The following BDKRB2 variants were observed in gnomAD, a reference collection of about 807,000 sequenced individuals.
The protein encoded by BDKRB2 is B2 bradykinin receptor.
BDKRB2 carries 6 observed loss-of-function variants against 4.0 expected under a neutral mutation model. That is an observed-to-expected ratio of 1.49 (90% CI 0.81 to 2.93). The LOEUF (loss-of-function observed/expected upper bound fraction) is 2.93, where lower values mean the gene tolerates loss of function less well. Ranked by LOEUF, BDKRB2 falls within the 30% of genes most tolerant of loss-of-function variation. The pLI is 0.00. For synonymous variants in BDKRB2, 225 were observed against 215.3 expected (o/e 1.05, Z -0.40); for missense variants, 478 against 520.1 (o/e 0.92, Z 0.79).
chr14:96,211,752 C>T (rs1890308728), intron 1 of BDKRB2, among the ~76,000 whole-genome samples: 1 of 152,160 alleles, frequency 6.6e-6, no homozygotes, highest in Non-Finnish European at 1.5e-5. Context: ...TGACCTAGGG[C>T]AAGAGATGTG....
rs1477286619 is a variant in BDKRB2 at position 96,241,253 on chromosome 14, A to G, written c.925A>G (p.Ile309Val). 2 of 1,613,476 alleles carry G rather than the reference A, an allele frequency of 1.2e-6. No individual in the cohort carries two copies. The highest frequency in any genetic ancestry group is 2.2e-5 in the South Asian group (2 of 91,034). The stretch of plus-strand genomic sequence containing the variant: ...CCTCTCCAGCTGCCAGGACGAGCGC[A>G]TCATCGATGTAATCACACAGATCGC... Reference protein sequence around the residue: ...GILSSCQDERIIDVITQIASF... With the variant: ...GILSSCQDERVIDVITQIASF... Residue 309 changes from isoleucine to valine, a missense_variant, in exon 3 of 3, where the codon ATC becomes GTC. Physicochemically the swap from Ile to Val is conservative, Grantham distance 29. Coordinates refer to ENST00000554311, the MANE Select transcript of BDKRB2 (RefSeq NM_001379692.1).
At chr14:96,231,712 C>A (rs751903593) in intron 1 of BDKRB2, among the ~76,000 whole-genome samples, 1 of 152,136 alleles carries the variant, frequency 6.6e-6, no homozygotes, top group Admixed American at 6.5e-5. Context: ...ATTTACAGAG[C>A]GAATATTGTT....
chr14:96,207,620 A>G (rs976375963), intron 1 of BDKRB2, among the ~76,000 whole-genome samples: 1 of 152,114 alleles, frequency 6.6e-6, no homozygotes, highest in Non-Finnish European at 1.5e-5. Context: ...GGTGATGATG[A>G]TGTGTCAACG....
At chr14:96,227,123 T>C (rs1210679087) in intron 1 of BDKRB2, among the ~76,000 whole-genome samples, 1 of 152,166 alleles carries the variant, frequency 6.6e-6, no homozygotes, top group African/African-American at 2.4e-5. Flanking sequence ...TTTTCCCTTC[T>C]GCAAAAGACA....
chr14:96,223,702 G>T (rs985905903), intron 1 of BDKRB2, among the ~76,000 whole-genome samples: 1 of 151,952 alleles, frequency 6.6e-6, no homozygotes, highest in Non-Finnish European at 1.5e-5. Flanking sequence ...TTCCTGCCTG[G>T]TGTTGTATGT....
rs539582252 is a variant in BDKRB2, at chr14:96,212,493, G to A, written c.-40+7534G>A. Among the ~76,000 whole-genome samples the A allele has an allele frequency of 2.6e-5, 4 of 152,310 alleles. No homozygotes were observed. The East Asian group carries it at 7.7e-4, about 29-fold the overall frequency. On this transcript the variant is annotated intron_variant, in intron 1 of 2. Transcript: ENST00000554311. ...ATTACAAAAACAAAATGACAAGTTA[G>A]AAAGGTAAAAAGCATTAATGTCAGT...
chr14:96,211,540 A>C lies in BDKRB2; in HGVS notation c.-40+6581A>C, dbSNP rs74086541. ...GTGGGCCAGGGCCTGCAGATGAGGGATCTGTGCTGATCATTTGTGATAGCC... is the reference window on the plus strand; with the variant it reads ...GTGGGCCAGGGCCTGCAGATGAGGGCTCTGTGCTGATCATTTGTGATAGCC... On this transcript the variant is annotated intron_variant, in intron 1 of 2. Coordinates refer to ENST00000554311, the MANE Select transcript of BDKRB2 (RefSeq NM_001379692.1). Among the ~76,000 whole-genome samples, 772 of 152,330 alleles carry C rather than the reference A, an allele frequency of 5.1e-3. 13 individuals are homozygous for C. Among genetic ancestry groups the C allele is most frequent in the African/African-American group, 0.018 (745 of 41,576 alleles).
At position 96,236,785 on chromosome 14, in the gene BDKRB2, C is replaced by T. The variant is rs573190200; in HGVS notation, c.-39-284C>T. ...AATAATCCACTCGCCCTCACAGGCG[C>T]GTTTGGGACCCCATGTTCTATGCTC... On this transcript the variant is annotated intron_variant, in intron 1 of 2. Coordinates refer to ENST00000554311, the MANE Select transcript of BDKRB2 (RefSeq NM_001379692.1). 3.0e-4 allele frequency among the ~76,000 whole-genome samples: 45 copies of T among 152,294 alleles called. 1 individual carries two copies. In the South Asian group the frequency reaches 5.8e-3, roughly 20 times the overall value.
intron 1 of BDKRB2, among the ~76,000 whole-genome samples, chr14:96,230,908 A>G (rs560203296): frequency 6.6e-6 from 1 of 151,736 alleles, no homozygotes; most frequent in South Asian, 2.1e-4. Context: ...GAGCCACAGC[A>G]CCCAGCCTAG....
At chr14:96,222,488 C>A (rs1260267302) in intron 1 of BDKRB2, among the ~76,000 whole-genome samples, 1 of 152,020 alleles carries the variant, frequency 6.6e-6, no homozygotes, top group Non-Finnish European at 1.5e-5. Context: ...CCAAGAGCCA[C>A]CTCATTAGAA....
chr14:96,214,083 C>T (rs1468923247), intron 1 of BDKRB2, among the ~76,000 whole-genome samples: 5 of 152,110 alleles, frequency 3.3e-5, no homozygotes, highest in African/African-American at 9.7e-5. Context: ...CCATGGTGGG[C>T]GGTGATCCAA....
intron 1 of BDKRB2, among the ~76,000 whole-genome samples, chr14:96,229,793 G>A (rs1315868966): frequency 6.6e-6 from 1 of 152,080 alleles, no homozygotes; most frequent in Non-Finnish European, 1.5e-5. Flanking sequence ...GTACAGCAAC[G>A]TGGCTGTGGC....
chr14:96,219,477 T>C (rs1367678632), intron 1 of BDKRB2, among the ~76,000 whole-genome samples: 1 of 151,716 alleles, frequency 6.6e-6, no homozygotes, highest in African/African-American at 2.4e-5. Flanking sequence ...TGGGGACTTC[T>C]GGACAAGGGT....
intron 1 of BDKRB2, among the ~76,000 whole-genome samples, chr14:96,231,223 G>C (rs1300394065): frequency 6.6e-6 from 1 of 152,192 alleles, no homozygotes; most frequent in Non-Finnish European, 1.5e-5. Flanking sequence ...TGTCCCCACT[G>C]AAAGTGTTTC....
In BDKRB2 at chr14:96,244,045, C is replaced by T; in HGVS notation, c.*2541C>T. ...AGATGCCCTGATAAAGAACATCTGT[C>T]CTGTGAAAGACTCAATGAGCTGTTA... On this transcript the variant is annotated 3_prime_UTR_variant, in exon 3 of 3. Coordinates refer to ENST00000554311, the MANE Select transcript of BDKRB2 (RefSeq NM_001379692.1). 1 of 396,208 alleles carries T rather than the reference C, an allele frequency of 2.5e-6. No individual in the cohort carries two copies. The highest frequency in any genetic ancestry group is 3.6e-5 in the East Asian group (1 of 27,996). 24.5% of individuals were successfully genotyped at this position (396,208 alleles called of 1,614,324 possible). A position where few individuals can be genotyped will look rare whatever the true frequency, so the allele number is the denominator to read the frequency against.
chr14:96,205,855 G>A (rs1019791122), intron 1 of BDKRB2, among the ~76,000 whole-genome samples: 28 of 152,218 alleles, frequency 1.8e-4, no homozygotes, highest in African/African-American at 5.5e-4. Context: ...GGTCGTTTCC[G>A]CAGCCTGGGT....
intron 1 of BDKRB2, among the ~76,000 whole-genome samples, chr14:96,217,666 G>T (rs1374764744): frequency 1.3e-5 from 2 of 152,142 alleles, no homozygotes; most frequent in Non-Finnish European, 2.9e-5. Context: ...GGGGCTGGGG[G>T]TCTATCCCAG....
chr14:96,225,329 C>T (rs946004172), intron 1 of BDKRB2, among the ~76,000 whole-genome samples: 1 of 152,136 alleles, frequency 6.6e-6, no homozygotes, highest in Non-Finnish European at 1.5e-5. Flanking sequence ...ATATTCCTTC[C>T]ACCTCTTTGC....
chr14:96,219,560 A>G (rs1890507312), intron 1 of BDKRB2, among the ~76,000 whole-genome samples: 2 of 151,012 alleles, frequency 1.3e-5, no homozygotes, highest in Admixed American at 1.3e-4. Context: ...GGCTCTCTGG[A>G]AAAAAATGCC....
Sources: allele counts gnomAD v4.1 joint callset (sites outside exome capture counted in the v4.1 genomes callset), GRCh38; gene constraint gnomAD v4.1.1; transcripts MANE v1.5; gene names NCBI Gene and HGNC (gene_info 2026-07-23, HGNC 2026-07-21).